Variants in CDH18 observed in about 807,000 individuals in gnomAD.
CDH18 encodes cadherin-18.
A neutral mutation model predicts 67.9 loss-of-function variants in CDH18; 31 were observed. The ratio of observed to expected loss-of-function variants is 0.46; its 90% CI spans 0.34 to 0.62. The LOEUF is 0.62. CDH18 is among the 20% of genes least tolerant of loss of function. The pLI, the probability that CDH18 is intolerant of heterozygous loss-of-function variation, is 0.01. For missense variants in CDH18, 890 were observed against 975.5 expected (o/e 0.91, Z 1.17); for synonymous variants, 362 against 347.2 (o/e 1.04, Z -0.48).
At chr5:20,124,418 T>C (rs982092061) in intron 2 of CDH18, among the ~76,000 whole-genome samples, 3 of 152,182 alleles carry the variant, frequency 2.0e-5, no homozygotes, top group Non-Finnish European at 4.4e-5. Flanking sequence ...CTAACTCAGT[T>C]ACATCTAATA....
intron 2 of CDH18, among the ~76,000 whole-genome samples, chr5:20,222,993 T>C (rs1741349445): frequency 6.6e-6 from 1 of 152,100 alleles, no homozygotes; most frequent in African/African-American, 2.4e-5. Flanking sequence ...ATTATATAAA[T>C]AATTATTTGA....
rs566302307 is a variant in CDH18, at chr5:19,951,735, G to A, written c.-257+29325C>T. 6.6e-5 allele frequency among the ~76,000 whole-genome samples: 10 copies of A among 152,156 alleles called. No homozygotes were observed. The East Asian group carries it at 1.9e-3, about 29-fold the overall frequency. On this transcript the variant is annotated intron_variant, in intron 2 of 12. Transcript: ENST00000382275. ...CACATTTGCATTATAGGATACTCAG[G>A]GTTTTTCAACTATGCAGGTGGGGAG...
chr5:20,187,510 T>C (rs1267750686), intron 2 of CDH18, among the ~76,000 whole-genome samples: 1 of 151,858 alleles, frequency 6.6e-6, no homozygotes, highest in Non-Finnish European at 1.5e-5. Flanking sequence ...TTTTACAATC[T>C]GTATTTTTTC....
rs59248561 is a variant in CDH18 at position 19,774,808 on chromosome 5, C to CAAAAAAAAAAAAAAAAA, written c.229-27589_229-27573dup. On this transcript the variant is annotated intron_variant, in intron 3 of 12. Transcript: ENST00000382275. ...TGAGTGACAGAGCAAGACTCTGTCTCAAAAAAAAAAAAAAAAAAAAAAAAA... is the reference window on the plus strand; with the variant it reads ...TGAGTGACAGAGCAAGACTCTGTCTCAAAAAAAAAAAAAAAAAAAAAAAAAAAAAAAAAAAAAAAAAA... 4.0e-4 allele frequency among the ~76,000 whole-genome samples: 14 copies of CAAAAAAAAAAAAAAAAA among 35,408 alleles called. 4 individuals carry two copies. Among genetic ancestry groups the CAAAAAAAAAAAAAAAAA allele is most frequent in the Non-Finnish European group, 7.3e-4 (14 of 19,260 alleles). The allele number at this position is 35,408 out of a possible 152,430, so 23.2% of individuals were successfully genotyped here.
At chr5:20,275,574 A>C (rs1745747179) in intron 1 of CDH18, among the ~76,000 whole-genome samples, 1 of 152,206 alleles carries the variant, frequency 6.6e-6, no homozygotes, top group African/African-American at 2.4e-5. Flanking sequence ...TTTTCCATGA[A>C]TAATAATCAA....
intron 2 of CDH18, among the ~76,000 whole-genome samples, chr5:20,139,099 C>T (rs890264552): frequency 1.3e-5 from 2 of 151,936 alleles, no homozygotes; most frequent in African/African-American, 4.8e-5. Context: ...AACAGCATGA[C>T]ACTGGTACCA....
intron 1 of CDH18, among the ~76,000 whole-genome samples, chr5:20,264,960 A>G (rs1006017423): frequency 6.6e-6 from 1 of 152,124 alleles, no homozygotes; most frequent in African/African-American, 2.4e-5. Context: ...ACAAAGATTT[A>G]AGGAAAAGAA....
At chr5:20,459,453 G>A (rs1202218353) in intron 1 of CDH18, among the ~76,000 whole-genome samples, 2 of 152,152 alleles carry the variant, frequency 1.3e-5, no homozygotes, top group Non-Finnish European at 2.9e-5. Context: ...CTGACAGAAG[G>A]GAGAGGAATA....
chr5:19,588,880 G>A (rs1419009178), intron 7 of CDH18, among the ~76,000 whole-genome samples: 1 of 152,062 alleles, frequency 6.6e-6, no homozygotes, highest in Non-Finnish European at 1.5e-5. Context: ...CAATACAGGA[G>A]TACCCAGATT....
At chr5:20,029,908 C>T (rs1273505495) in intron 2 of CDH18, among the ~76,000 whole-genome samples, 1 of 152,114 alleles carries the variant, frequency 6.6e-6, no homozygotes, top group Non-Finnish European at 1.5e-5. Flanking sequence ...GTTCTCACCT[C>T]GATATTCTGG....
intron 2 of CDH18, among the ~76,000 whole-genome samples, chr5:20,103,219 ATTC>A (rs1264310874): frequency 6.6e-6 from 1 of 152,100 alleles, no homozygotes; most frequent in African/African-American, 2.4e-5. Flanking sequence ...CTATCTTTTG[ATTC>A]TTCTCTGTTT....
At chr5:19,948,755 T>C (rs1015649778) in intron 2 of CDH18, among the ~76,000 whole-genome samples, 2 of 152,118 alleles carry the variant, frequency 1.3e-5, no homozygotes, top group Non-Finnish European at 2.9e-5. Flanking sequence ...ATGCAAGATG[T>C]TATTGTGGGA....
chr5:20,235,031 A>C (rs1205377828), intron 2 of CDH18, among the ~76,000 whole-genome samples: 1 of 152,140 alleles, frequency 6.6e-6, no homozygotes, highest in African/African-American at 2.4e-5. Flanking sequence ...AATTTAAAAA[A>C]TAGAATAAAG....
intron 11 of CDH18, among the ~76,000 whole-genome samples, chr5:19,502,032 T>C (rs1684848): frequency 0.58 from 87,476 of 152,032 alleles, 26,727 homozygotes; most frequent in African/African-American, 0.79. Context: ...ATAGATCTTT[T>C]GGCTTTGTGC....
intron 1 of CDH18, among the ~76,000 whole-genome samples, chr5:20,460,249 G>T (rs1053335547): frequency 1.3e-5 from 2 of 151,872 alleles, no homozygotes; most frequent in Non-Finnish European, 2.9e-5. Context: ...GAAATTAGCT[G>T]GGTGTGGTGG....
chr5:20,227,620 A>T (rs966281732), intron 2 of CDH18, among the ~76,000 whole-genome samples: 2 of 151,954 alleles, frequency 1.3e-5, no homozygotes, highest in Non-Finnish European at 2.9e-5. Context: ...TTCCTTCACT[A>T]TCCTCTATCA....
At chr5:20,155,413 G>A (rs1355346967) in intron 2 of CDH18, among the ~76,000 whole-genome samples, 5 of 152,036 alleles carry the variant, frequency 3.3e-5, no homozygotes, top group Admixed American at 6.6e-5. Context: ...TTAAAATAGG[G>A]TTATTTCTTT....
At chr5:20,430,055 T>G (rs1050222474) in intron 1 of CDH18, among the ~76,000 whole-genome samples, 1 of 152,116 alleles carries the variant, frequency 6.6e-6, no homozygotes, top group East Asian at 1.9e-4. Context: ...AATGCTTAAG[T>G]GAGAGGCGCA....
intron 2 of CDH18, among the ~76,000 whole-genome samples, chr5:20,149,497 C>G (rs1286913411): frequency 6.6e-6 from 1 of 152,070 alleles, no homozygotes; most frequent in Non-Finnish European, 1.5e-5. Flanking sequence ...AATGGTATTA[C>G]TAACACTGCT....
Sources: gnomAD v4.1 joint callset for allele counts (sites outside exome capture counted in the v4.1 genomes callset) on GRCh38, gnomAD v4.1.1 for gene constraint, MANE v1.5 for transcripts, NCBI Gene and HGNC (gene_info 2026-07-23, HGNC 2026-07-21) for gene names.